Variants in CACNA2D3 observed in about 807,000 individuals in gnomAD.
CACNA2D3 encodes voltage-dependent calcium channel subunit alpha-2/delta-3.
Under a neutral mutation model 160.6 loss-of-function variants are expected in CACNA2D3, and 60 were observed. The observed-to-expected ratio is 0.37, with a 90% CI of 0.30 to 0.46. The LOEUF is 0.46. Ranked by LOEUF, CACNA2D3 falls within the 20% of genes least tolerant of loss-of-function variation. CACNA2D3 has a pLI of 1.00. For synonymous variants in CACNA2D3, 558 were observed against 492.9 expected, an observed-to-expected ratio of 1.13 and a Z score of -1.75; for missense variants, 1,205 against 1,365.0, an observed-to-expected ratio of 0.88 and a Z score of 1.85.
At chr3:54,388,149 C>T (rs544689459) in intron 4 of CACNA2D3, among the ~76,000 whole-genome samples, 2 of 152,272 alleles carry the variant, frequency 1.3e-5, no homozygotes, top group African/African-American at 4.8e-5. Context: ...GTGGCATACC[C>T]CAGAGCTGGC....
rs1482744767 is a variant in CACNA2D3 at position 54,122,733 on chromosome 3, C to A, written c.20C>A (p.Pro7Gln). The change falls in exon 1 of 38, where the codon CCG (proline) becomes CAG (glutamine). Residue 7 changes from proline (P) to glutamine (Q), a missense_variant. Around this residue, in one of 3 missense-constraint regions of CACNA2D3, gnomAD observed 163 missense variants for 161.3 expected, o/e 1.01. Transcript: ENST00000474759. ...CCCAGCATGGCCGGGCCGGGCTCGC[C>A]GCGCCGCGCGTCCCGGGGGGCCTCG... MAGPGS[P>Q]RRASRGASAL... 8.3e-7 allele frequency: 1 copy of A among 1,210,832 alleles called. No individual in the cohort carries two copies. The allele number at this position is 1,210,832 out of a possible 1,614,324, so 75.0% of individuals were successfully genotyped here.
chr3:54,925,142 A>G (rs1473277918), intron 27 of CACNA2D3: 2 of 1,614,130 alleles, frequency 1.2e-6, no homozygotes, highest in Middle Eastern at 1.6e-4. Context: ...TAGATGACTG[A>G]CAGTAACACT....
At chr3:54,378,561 A>G (rs1699048374) in intron 3 of CACNA2D3, among the ~76,000 whole-genome samples, 4 of 152,218 alleles carry the variant, frequency 2.6e-5, no homozygotes. Flanking sequence ...AGATAGTTCC[A>G]TTGCCCACAA....
rs1370759869 is a variant in CACNA2D3 at position 54,752,542 on chromosome 3, C to T, written c.1168-57C>T. 3.4e-6 allele frequency: 4 copies of T among 1,187,634 alleles called. No individual in the cohort carries two copies. In the Admixed American group the frequency reaches 5.4e-5, roughly 16 times the overall value. 73.6% of individuals were successfully genotyped at this position (1,187,634 alleles called of 1,614,324 possible). ...CATGTGTGTGAGCCATGCATGTGAT[C>T]TGTGCAGGATGGCGAAAAGTGAATG... On this transcript the variant is annotated intron_variant, in intron 11 of 37. Transcript: ENST00000474759.
chr3:54,881,607 A>G (rs1699797609), intron 21 of CACNA2D3, among the ~76,000 whole-genome samples: 1 of 152,126 alleles, frequency 6.6e-6, no homozygotes, highest in Non-Finnish European at 1.5e-5. Context: ...GGTGGTGGAC[A>G]TTGTTTCTGA....
At chr3:54,626,587 A>G (rs1376669205) in intron 9 of CACNA2D3, 2 of 1,549,914 alleles carry the variant, frequency 1.3e-6, no homozygotes, top group Admixed American at 1.7e-5. Context: ...CTACAAGCCC[A>G]TAAAGCACGG....
At chr3:54,291,511 G>T (rs1276226314) in intron 2 of CACNA2D3, among the ~76,000 whole-genome samples, 16 of 152,048 alleles carry the variant, frequency 1.1e-4, no homozygotes, top group Non-Finnish European at 2.1e-4. Context: ...GTTGATGTTT[G>T]GTGGTAACTG....
chr3:54,962,122 C>T (rs1702044730), intron 27 of CACNA2D3, among the ~76,000 whole-genome samples: 1 of 152,146 alleles, frequency 6.6e-6, no homozygotes, highest in South Asian at 2.1e-4. Context: ...CCTCGGGACC[C>T]AATCACCTCT....
chr3:54,254,837 A>T (rs1035988911), intron 2 of CACNA2D3, among the ~76,000 whole-genome samples: 20 of 152,196 alleles, frequency 1.3e-4, no homozygotes, highest in African/African-American at 3.9e-4. Context: ...AATTTCTGGG[A>T]TGAGCGCTGT....
chr3:54,563,802 C>T (rs2139683), intron 6 of CACNA2D3, among the ~76,000 whole-genome samples: 36,021 of 152,064 alleles, frequency 0.24, 4,698 homozygotes, highest in Middle Eastern at 0.38. Context: ...CTGATGCCTT[C>T]CCACTTTGAG....
At chr3:54,430,364 A>G (rs1235616014) in intron 4 of CACNA2D3, among the ~76,000 whole-genome samples, 1 of 152,212 alleles carries the variant, frequency 6.6e-6, no homozygotes, top group African/African-American at 2.4e-5. Flanking sequence ...TTGGGTCAGT[A>G]ATACAGCTTT....
intron 9 of CACNA2D3, among the ~76,000 whole-genome samples, chr3:54,623,912 G>T (rs1397159971): frequency 6.6e-6 from 1 of 152,194 alleles, no homozygotes; most frequent in African/African-American, 2.4e-5. Context: ...ATGGGAGGTA[G>T]TTCCCTGGGA....
intron 2 of CACNA2D3, among the ~76,000 whole-genome samples, chr3:54,186,997 A>AAG (rs1424791055): frequency 6.6e-6 from 1 of 152,214 alleles, no homozygotes; most frequent in Non-Finnish European, 1.5e-5. Flanking sequence ...ATTCATCTAC[A>AAG]AGAGACACTG....
intron 12 of CACNA2D3, 151 bp from the exon 13 acceptor site, chr3:54,764,067 C>A (rs1164886162): frequency 1.3e-6 from 1 of 751,608 alleles, no homozygotes; most frequent in Non-Finnish European, 2.2e-6. Flanking sequence ...GAGGAGCTAA[C>A]GTTGAAAAGA....
chr3:54,861,907 A>G (rs759993632), intron 17 of CACNA2D3, among the ~76,000 whole-genome samples: 4 of 152,252 alleles, frequency 2.6e-5, no homozygotes, highest in Non-Finnish European at 4.4e-5. Context: ...CCTCTGAGTT[A>G]TGAATCACAT....
intron 11 of CACNA2D3, among the ~76,000 whole-genome samples, chr3:54,653,067 G>A (rs968218716): frequency 6.6e-6 from 1 of 152,144 alleles, no homozygotes; most frequent in Non-Finnish European, 1.5e-5. Flanking sequence ...ACAGGCATGA[G>A]CCACCGTGCC....
chr3:54,970,615 G>GCTCTCCTCTC (rs895845465), intron 29 of CACNA2D3, among the ~76,000 whole-genome samples: 1 of 14,364 alleles, frequency 7.0e-5, no homozygotes, highest in Admixed American at 1.1e-3. Flanking sequence ...CCTCTCCTCT[G>GCTCTCCTCTC]CTCTCCTCTC....
chr3:55,062,303 A>C (rs1704532387), intron 35 of CACNA2D3, among the ~76,000 whole-genome samples: 1 of 147,390 alleles, frequency 6.8e-6, no homozygotes, highest in African/African-American at 2.6e-5. Context: ...TTTGACATAC[A>C]GCCTCACTAT....
chr3:54,471,709 T>G (rs187024986), intron 4 of CACNA2D3, among the ~76,000 whole-genome samples: 1 of 151,792 alleles, frequency 6.6e-6, no homozygotes, highest in Non-Finnish European at 1.5e-5. Context: ...TAAAAAATAA[T>G]AAAGGGGATA....
Sources: gnomAD v4.1 joint callset for allele counts (sites outside exome capture counted in the v4.1 genomes callset) on GRCh38, gnomAD v4.1.1 for gene constraint, gnomAD v4.1.1 regional missense constraint, MANE v1.5 for transcripts, NCBI Gene and HGNC (gene_info 2026-07-23, HGNC 2026-07-21) for gene names.